The following TRPM6 variants were observed in gnomAD, a reference collection of about 807,000 sequenced individuals.
TRPM6 encodes the protein transient receptor potential cation channel subfamily M member 6, also known as channel kinase 2.
In TRPM6, 111 loss-of-function variants were observed where a neutral mutation model predicts 247.6. That is an observed-to-expected ratio of 0.45 (90% CI 0.38 to 0.52). TRPM6 has a LOEUF of 0.52. Ranked by LOEUF, TRPM6 falls within the 20% of genes least tolerant of loss-of-function variation. TRPM6 has a pLI of 0.00. For synonymous variants in TRPM6, 892 were observed against 853.8 expected (o/e 1.04, Z -0.78); for missense variants, 2,126 against 2,421.5 (o/e 0.88, Z 2.56).
intron 36 of TRPM6, among the ~76,000 whole-genome samples, chr9:74,735,934 T>C (rs1291593721): frequency 2.6e-5 from 4 of 152,166 alleles, no homozygotes; most frequent in Non-Finnish European, 5.9e-5. Context: ...ACACTCCTTC[T>C]TTCTCTCAAA....
At chr9:74,775,815 T>G in intron 24 of TRPM6, 68 bp downstream of exon 24, 1 of 1,500,716 alleles carries the variant, frequency 6.7e-7, no homozygotes, top group Middle Eastern at 1.7e-4. Flanking sequence ...TTTATAATAC[T>G]CCAGTGCATC....
At chr9:74,774,650 T>C (rs1367092810) in intron 24 of TRPM6, among the ~76,000 whole-genome samples, 1 of 152,196 alleles carries the variant, frequency 6.6e-6, no homozygotes, top group Non-Finnish European at 1.5e-5. Flanking sequence ...TCCCCTTAGC[T>C]GAAACTCCTG....
intron 31 of TRPM6, among the ~76,000 whole-genome samples, chr9:74,744,495 T>A (rs1252421815): frequency 6.6e-6 from 1 of 152,054 alleles, no homozygotes. Context: ...TTCTCTGAGC[T>A]CCCTACCAAG....
At chr9:74,734,338 G>A (rs562829342) in intron 36 of TRPM6, among the ~76,000 whole-genome samples, 3 of 152,282 alleles carry the variant, frequency 2.0e-5, no homozygotes, top group East Asian at 3.9e-4. Context: ...GAAAACTCAT[G>A]TTTTCTAGCT....
rs1829884206 is a variant in TRPM6, at chr9:74,840,180, C to T, written c.388G>A (p.Glu130Lys). 1 of 1,614,028 alleles carries T rather than the reference C, an allele frequency of 6.2e-7. No homozygotes were observed. The highest frequency in any genetic ancestry group is 8.5e-7 in the Non-Finnish European group (1 of 1,180,016). Residue 130 changes from glutamate (E) to lysine (K), a missense_variant, in exon 5 of 39, where the codon GAG becomes AAG. Physicochemically the swap from Glu to Lys is moderately conservative, Grantham distance 56. Coordinates refer to ENST00000360774, the MANE Select transcript of TRPM6 (RefSeq NM_017662.5). ...AGCTTGGGCAGTTCCATTTTCCACT[C>T]TTTCAACATTAAATGTAACAGATGA... The part of the protein sequence containing the change: ...LDHLLHLMLK[E>K]WKMELPKLVI...
chr9:74,859,773 CAA>C (rs946269078), intron 1 of TRPM6, among the ~76,000 whole-genome samples: 31 of 75,978 alleles, frequency 4.1e-4, no homozygotes, highest in Admixed American at 6.0e-4. Flanking sequence ...GACTCTGTCT[CAA>C]AAAAAAAAAA....
chr9:74,851,923 C>A (rs1045189269), intron 3 of TRPM6, among the ~76,000 whole-genome samples: 2 of 151,238 alleles, frequency 1.3e-5, no homozygotes, highest in African/African-American at 4.9e-5. Context: ...GCCAGGAGTT[C>A]TAGAACAGCC....
At chr9:74,767,143 T>G (rs1826854867) in intron 25 of TRPM6, among the ~76,000 whole-genome samples, 1 of 152,160 alleles carries the variant, frequency 6.6e-6, no homozygotes, top group South Asian at 2.1e-4. Flanking sequence ...TGTTCCTCAG[T>G]AAGGTTTCAT....
At chr9:74,862,863 C>G (rs1830732286) in intron 1 of TRPM6, among the ~76,000 whole-genome samples, 1 of 151,728 alleles carries the variant, frequency 6.6e-6, no homozygotes, top group Non-Finnish European at 1.5e-5. Flanking sequence ...CGCCTATAGT[C>G]CCAGTTACTC....
At chr9:74,739,279 G>T in intron 35 of TRPM6, 88 bp downstream of exon 35, 2 of 1,239,858 alleles carry the variant, frequency 1.6e-6, no homozygotes, top group Non-Finnish European at 2.4e-6. Flanking sequence ...TTTCCCCATG[G>T]ATAAGATTTC....
At chr9:74,836,837 T>C (rs1407037755) in intron 5 of TRPM6, among the ~76,000 whole-genome samples, 1 of 152,216 alleles carries the variant, frequency 6.6e-6, no homozygotes, top group Non-Finnish European at 1.5e-5. Context: ...TGCCTAACCC[T>C]GAGCTGCCAC....
chr9:74,810,676 G>T (rs1211624808), intron 13 of TRPM6, 139 bp downstream of exon 13: 1 of 771,032 alleles, frequency 1.3e-6, no homozygotes, highest in Non-Finnish European at 2.3e-6. Flanking sequence ...TGATGAACTT[G>T]TTCAAATCAA....
At chr9:74,785,547 G>C (rs1221684588) in intron 21 of TRPM6, among the ~76,000 whole-genome samples, 1 of 151,466 alleles carries the variant, frequency 6.6e-6, no homozygotes, top group African/African-American at 2.4e-5. Context: ...TTTTGAGATG[G>C]AGTCTCGCTC....
In TRPM6 at chr9:74,734,205, C is replaced by T. The variant is rs1288167692; in HGVS notation, c.5777-1469G>A. Among the ~76,000 whole-genome samples the T allele has an allele frequency of 1.1e-4, 17 of 152,248 alleles. No individual in the cohort carries two copies. The East Asian group carries it at 2.1e-3, about 19-fold the overall frequency. On this transcript the variant is annotated intron_variant, in intron 36 of 38. Coordinates refer to ENST00000360774, the MANE Select transcript of TRPM6 (RefSeq NM_017662.5). Reference sequence around the variant, plus strand: ...CCAGTAAGATTTGGGCACAATCCAGCGATTTCTGAGATCATTCTCTAATCA... The same window carrying T: ...CCAGTAAGATTTGGGCACAATCCAGTGATTTCTGAGATCATTCTCTAATCA...
rs117274117 is a variant in TRPM6, at chr9:74,800,729, G to C, written c.2010-247C>G. 5.2e-4 allele frequency among the ~76,000 whole-genome samples: 79 copies of C among 151,542 alleles called. No individual in the cohort carries two copies. In the East Asian group the frequency reaches 7.4e-3, roughly 14 times the overall value. On this transcript the variant is annotated intron_variant, in intron 16 of 38. Coordinates refer to ENST00000360774, the MANE Select transcript of TRPM6 (RefSeq NM_017662.5). ...GGAAAGGGATTTTTCTCCCTTTCCT[G>C]AAGGAACAGAACTAGGAGGTTTACA... is the stretch of plus-strand genomic sequence containing the variant.
intron 17 of TRPM6, among the ~76,000 whole-genome samples, chr9:74,797,749 ATTAT>A (rs1318553502): frequency 1.3e-5 from 2 of 152,158 alleles, no homozygotes; most frequent in Non-Finnish European, 2.9e-5. Flanking sequence ...CTACACTGTA[ATTAT>A]TTATCTCTAG....
At chr9:74,738,346 T>A in intron 36 of TRPM6, 61 bp downstream of exon 36, 1 of 1,582,810 alleles carries the variant, frequency 6.3e-7, no homozygotes, top group Non-Finnish European at 8.7e-7. Context: ...TCCTGGTTCT[T>A]GCAAGATCTC....
At chr9:74,867,359 C>T (rs908110760) in intron 1 of TRPM6, among the ~76,000 whole-genome samples, 4 of 152,198 alleles carry the variant, frequency 2.6e-5, no homozygotes, top group Non-Finnish European at 4.4e-5. Context: ...GGACCACATA[C>T]AGAGAACTAC....
intron 16 of TRPM6, among the ~76,000 whole-genome samples, chr9:74,800,781 C>G (rs866334165): frequency 6.6e-6 from 1 of 151,908 alleles, no homozygotes; most frequent in African/African-American, 2.4e-5. Flanking sequence ...TTAATTTACA[C>G]CTGAGCTATT....
Sources: gnomAD v4.1 joint callset for allele counts (sites outside exome capture counted in the v4.1 genomes callset) on GRCh38, gnomAD v4.1.1 for gene constraint, MANE v1.5 for transcripts, NCBI Gene and HGNC (gene_info 2026-07-23, HGNC 2026-07-21) for gene names.